Variants in SYT1 observed in about 807,000 individuals in gnomAD.
SYT1 encodes the protein synaptotagmin-1.
Under a neutral mutation model 44.8 loss-of-function variants are expected in SYT1, and 8 were observed. That is an observed-to-expected ratio of 0.18 (90% CI 0.10 to 0.32). The LOEUF (loss-of-function observed/expected upper bound fraction) is 0.32. Among genes scored for constraint, SYT1 ranks in the 10% least tolerant of loss-of-function variants. The probability of loss-of-function intolerance (pLI) is 1.00; values close to 1 mark genes in which losing one functional copy is unlikely to be tolerated. For missense variants in SYT1, 286 were observed against 509.3 expected, an observed-to-expected ratio of 0.56 and a Z score of 4.22; for synonymous variants, 154 against 188.8, an observed-to-expected ratio of 0.82 and a Z score of 1.51.
At chr12:79,092,720 CT>C (rs1877863054) in intron 3 of SYT1, among the ~76,000 whole-genome samples, 1 of 151,658 alleles carries the variant, frequency 6.6e-6, no homozygotes. Flanking sequence ...CATCAGAAAA[CT>C]ATATTCAATG....
chr12:79,449,311 C>T lies in SYT1; in HGVS notation c.*187C>T. On this transcript the variant is annotated 3_prime_UTR_variant, in exon 11 of 11. Transcript: ENST00000261205. ...GAGAGCCCCTAAGTCCTTCATCATA[C>T]CACTGCCCTCCAAATCTACTCTTCT... 1.7e-6 allele frequency: 1 copy of T among 602,208 alleles called. No individual in the cohort carries two copies. The highest frequency in any genetic ancestry group is 2.1e-5 in the South Asian group (1 of 48,044). 37.3% of individuals were successfully genotyped at this position (602,208 alleles called of 1,614,324 possible).
intron 1 of SYT1, among the ~76,000 whole-genome samples, chr12:78,965,990 T>G (rs1262583208): frequency 2.0e-5 from 3 of 150,656 alleles, no homozygotes; most frequent in African/African-American, 7.3e-5. Context: ...GGCAGGAGAA[T>G]CGCTTGAACC....
intron 1 of SYT1, among the ~76,000 whole-genome samples, chr12:78,904,229 T>C (rs542494557): frequency 2.0e-5 from 3 of 152,136 alleles, no homozygotes; most frequent in Non-Finnish European, 2.9e-5. Context: ...CTATAAATAT[T>C]TGTGAGATTT....
chr12:78,941,294 G>C (rs997111210), intron 1 of SYT1, among the ~76,000 whole-genome samples: 9 of 150,364 alleles, frequency 6.0e-5, no homozygotes, highest in Non-Finnish European at 1.0e-4. Flanking sequence ...GGATGGTCTC[G>C]ATCTCCTGAC....
At chr12:79,007,049 A>T (rs546045413) in intron 2 of SYT1, among the ~76,000 whole-genome samples, 4 of 152,190 alleles carry the variant, frequency 2.6e-5, no homozygotes, top group Admixed American at 6.6e-5. Context: ...AGTGTTTTCA[A>T]TGTGAAACTA....
intron 1 of SYT1, among the ~76,000 whole-genome samples, chr12:78,876,311 T>G (rs1874065386): frequency 6.6e-6 from 1 of 151,422 alleles, no homozygotes; most frequent in Non-Finnish European, 1.5e-5. Flanking sequence ...CAAAGGCATA[T>G]TAACTTTTGT....
intron 3 of SYT1, among the ~76,000 whole-genome samples, chr12:79,209,210 C>A (rs1181850333): frequency 6.6e-6 from 1 of 152,200 alleles, no homozygotes; most frequent in African/African-American, 2.4e-5. Flanking sequence ...CACCTCAAGC[C>A]TGACATTCAA....
chr12:78,963,611 G>T (rs1319742722), intron 1 of SYT1, among the ~76,000 whole-genome samples: 1 of 151,934 alleles, frequency 6.6e-6, no homozygotes, highest in Admixed American at 6.6e-5. Context: ...CAACACCAGA[G>T]ATATCACCTC....
intron 8 of SYT1, chr12:79,341,226 T>A (rs575533944): frequency 2.0e-5 from 3 of 152,198 alleles, no homozygotes; most frequent in Non-Finnish European, 4.4e-5. Context: ...TTATTTATTA[T>A]TAGTATTAAT....
intron 9 of SYT1, among the ~76,000 whole-genome samples, chr12:79,401,205 T>C (rs1327314685): frequency 6.6e-6 from 1 of 152,078 alleles, no homozygotes; most frequent in African/African-American, 2.4e-5. Flanking sequence ...TCAAGTCAAT[T>C]ATCAGCTTTC....
intron 8 of SYT1, among the ~76,000 whole-genome samples, chr12:79,324,548 C>CA (rs1881522129): frequency 6.6e-6 from 1 of 152,032 alleles, no homozygotes; most frequent in Non-Finnish European, 1.5e-5. Context: ...TAGTTTGTTC[C>CA]AAAAATTATC....
chr12:78,951,819 C>T (rs1365064754), intron 1 of SYT1, among the ~76,000 whole-genome samples: 1 of 152,080 alleles, frequency 6.6e-6, no homozygotes, highest in Non-Finnish European at 1.5e-5. Context: ...CTCCGTGCAG[C>T]TCCCAGTGAT....
chr12:79,248,269 T>C, intron 4 of SYT1, among the ~76,000 whole-genome samples: 1 of 152,048 alleles, frequency 6.6e-6, no homozygotes, highest in East Asian at 1.9e-4. Flanking sequence ...ATGAGATGGA[T>C]AAAGGGTACA....
intron 1 of SYT1, among the ~76,000 whole-genome samples, chr12:78,872,815 A>G (rs78136891): frequency 0.065 from 9,917 of 151,880 alleles, 604 homozygotes; most frequent in African/African-American, 0.16. Flanking sequence ...ATATGTATAG[A>G]TAAATAAAGG....
intron 8 of SYT1, among the ~76,000 whole-genome samples, chr12:79,301,024 G>T (rs1253471554): frequency 1.3e-5 from 2 of 151,564 alleles, no homozygotes; most frequent in Non-Finnish European, 1.5e-5. Context: ...CGATCATTCA[G>T]TTACAATGTT....
intron 8 of SYT1, among the ~76,000 whole-genome samples, chr12:79,316,414 A>G (rs9668529): frequency 0.011 from 1,614 of 152,312 alleles, 31 homozygotes; most frequent in African/African-American, 0.037. Flanking sequence ...CTTTTGGGTT[A>G]CTTCCAGTTT....
At chr12:79,051,665 C>T (rs1399605478) in intron 3 of SYT1, among the ~76,000 whole-genome samples, 2 of 151,914 alleles carry the variant, frequency 1.3e-5, no homozygotes, top group African/African-American at 4.8e-5. Flanking sequence ...ATGAGTCTCC[C>T]TTTTCTCATC....
At chr12:79,224,735 T>A (rs1043273016) in intron 4 of SYT1, among the ~76,000 whole-genome samples, 1 of 60,564 alleles carries the variant, frequency 1.7e-5, no homozygotes, top group Non-Finnish European at 3.0e-5. Context: ...TTGTTTCATT[T>A]TTTATTTATT....
chr12:78,928,543 C>T (rs1007988714), intron 1 of SYT1, among the ~76,000 whole-genome samples: 9 of 152,084 alleles, frequency 5.9e-5, no homozygotes, highest in Non-Finnish European at 1.5e-5. Context: ...TTCTGTTTGG[C>T]ATATCCAAAT....
Sources: gnomAD v4.1 joint callset for allele counts (sites outside exome capture counted in the v4.1 genomes callset) on GRCh38, gnomAD v4.1.1 for gene constraint, MANE v1.5 for transcripts, NCBI Gene and HGNC (gene_info 2026-07-23, HGNC 2026-07-21) for gene names.